The following RANBP2 variants were observed in gnomAD, a reference collection of about 807,000 sequenced individuals.
RANBP2 encodes the protein RAN binding protein 2, also known as E3 SUMO-protein ligase RanBP2.
Under a neutral mutation model 303.6 loss-of-function variants are expected in RANBP2, and 57 were observed. That is an observed-to-expected ratio of 0.19 (90% CI 0.15 to 0.23). The LOEUF (loss-of-function observed/expected upper bound fraction) is 0.23. RANBP2 is among the 10% of genes least tolerant of loss of function. RANBP2 has a pLI of 1.00. For synonymous variants in RANBP2, 1,167 were observed against 1,301.5 expected (o/e 0.90, Z 2.23); for missense variants, 3,138 against 3,780.8 (o/e 0.83, Z 4.46).
At chr2:108,816,895 C>T in the RANBP2 span, among the ~76,000 whole-genome samples, 2 of 152,184 alleles carry the variant, frequency 1.3e-5, no homozygotes, top group South Asian at 2.1e-4. Context: ...TCAGACCTGG[C>T]TTCATTGCAC....
chr2:108,997,840 G>A, the RANBP2 span, among the ~76,000 whole-genome samples: 1 of 152,094 alleles, frequency 6.6e-6, no homozygotes, highest in Non-Finnish European at 1.5e-5. Flanking sequence ...GCAGTGAGCC[G>A]AGATCGCGCC....
chr2:109,044,384 A>G, the RANBP2 span, among the ~76,000 whole-genome samples: 10 of 151,970 alleles, frequency 6.6e-5, no homozygotes, highest in African/African-American at 2.2e-4. Context: ...TTAGCTGGGT[A>G]TGGTGGCGGA....
At chr2:109,580,012 T>C in the RANBP2 span, among the ~76,000 whole-genome samples, 1 of 151,662 alleles carries the variant, frequency 6.6e-6, no homozygotes. Flanking sequence ...TCCCAGCTAC[T>C]CGGGAGGCTG....
chr2:109,160,719 C>G, the RANBP2 span, among the ~76,000 whole-genome samples: 2 of 152,206 alleles, frequency 1.3e-5, no homozygotes, highest in Non-Finnish European at 2.9e-5. Flanking sequence ...CAGCCTGTCC[C>G]TGCTCCTACT....
the RANBP2 span, among the ~76,000 whole-genome samples, chr2:109,205,833 C>G: frequency 6.6e-6 from 1 of 152,220 alleles, no homozygotes; most frequent in Non-Finnish European, 1.5e-5. Context: ...GTGTAAAATA[C>G]TCTTGAGCCT....
At chr2:109,640,846 C>T in the RANBP2 span, among the ~76,000 whole-genome samples, 4 of 152,240 alleles carry the variant, frequency 2.6e-5, no homozygotes, top group African/African-American at 4.8e-5. Context: ...CAGGAAGGAC[C>T]GAATCCTATG....
At chr2:109,314,747 T>G in the RANBP2 span, among the ~76,000 whole-genome samples, 1 of 152,240 alleles carries the variant, frequency 6.6e-6, no homozygotes, top group Admixed American at 6.5e-5. Context: ...AGCCAATTTC[T>G]TATTCTGTAA....
At chr2:109,387,168 G>A in the RANBP2 span, among the ~76,000 whole-genome samples, 91 of 152,148 alleles carry the variant, frequency 6.0e-4, no homozygotes, top group Non-Finnish European at 4.9e-4. Context: ...ATATATTTTG[G>A]ACAAATTTGA....
At chr2:109,763,035 T>C in the RANBP2 span, among the ~76,000 whole-genome samples, 1 of 149,364 alleles carries the variant, frequency 6.7e-6, no homozygotes, top group Non-Finnish European at 1.5e-5. Flanking sequence ...TCAAAATAAC[T>C]AATATTTGAG....
the RANBP2 span, among the ~76,000 whole-genome samples, chr2:108,891,635 G>A: frequency 0.012 from 1,825 of 152,342 alleles, 39 homozygotes; most frequent in Middle Eastern, 0.041. Flanking sequence ...TTGGCAGGCT[G>A]ATTTCTGGGC....
chr2:109,510,021 C>T, the RANBP2 span, among the ~76,000 whole-genome samples: 2 of 152,076 alleles, frequency 1.3e-5, no homozygotes, highest in Non-Finnish European at 2.9e-5. Context: ...AGAGGGTGTC[C>T]GGGTCTTATC....
chr2:109,333,428 A>G, the RANBP2 span, among the ~76,000 whole-genome samples: 33 of 152,352 alleles, frequency 2.2e-4, 1 homozygote, highest in East Asian at 6.4e-3. Flanking sequence ...AAAATAAAAC[A>G]AGCCTAACCT....
chr2:108,956,605 T>C, the RANBP2 span, among the ~76,000 whole-genome samples: 71 of 152,270 alleles, frequency 4.7e-4, no homozygotes, highest in African/African-American at 1.7e-3. Flanking sequence ...GACAGTGAAA[T>C]TTCCCTCATA....
At position 108,783,614 on chromosome 2, in the gene RANBP2, C is replaced by T; in HGVS notation, c.9388C>T (p.His3130Tyr). 6.2e-7 allele frequency: 1 copy of T among 1,611,070 alleles called. No individual in the cohort carries two copies. Among genetic ancestry groups the T allele is most frequent in the Non-Finnish European group, 8.5e-7 (1 of 1,178,254 alleles). ...TTTTCAGGGAGGAGATATCACCAAA[C>T]ATGATGGAACAGGCGGACAGTCCAT... The part of the protein sequence containing the change: ...FVCQGGDITK[H>Y]DGTGGQSIYG... The change falls in exon 29 of 29, where the codon CAT becomes TAT. Residue 3130 changes from histidine (H) to tyrosine (Y), a missense_variant. By Grantham distance (83) the His-to-Tyr change is moderately conservative. Transcript: ENST00000283195.
the RANBP2 span, among the ~76,000 whole-genome samples, chr2:109,151,491 G>A: frequency 1.3e-5 from 2 of 152,198 alleles, no homozygotes; most frequent in African/African-American, 4.8e-5. Flanking sequence ...TGGTAGCCAC[G>A]TCACAAATGG....
chr2:109,161,180 C>T, the RANBP2 span, among the ~76,000 whole-genome samples: 2 of 152,170 alleles, frequency 1.3e-5, no homozygotes, highest in Non-Finnish European at 2.9e-5. Flanking sequence ...CTGGTTCTTT[C>T]GGAACAATAG....
the RANBP2 span, among the ~76,000 whole-genome samples, chr2:109,272,348 A>T: frequency 6.6e-6 from 1 of 152,216 alleles, no homozygotes; most frequent in African/African-American, 2.4e-5. Flanking sequence ...CTTTTGAAGG[A>T]TGGAACCCTG....
the RANBP2 span, among the ~76,000 whole-genome samples, chr2:109,136,288 G>T: frequency 6.6e-6 from 1 of 152,058 alleles, no homozygotes; most frequent in Non-Finnish European, 1.5e-5. Flanking sequence ...AGCACCACTT[G>T]AAGAGGCCAA....
At position 108,751,646 on chromosome 2, in the gene RANBP2, C is replaced by G. The variant is rs1320757928; in HGVS notation, c.1574C>G (p.Thr525Arg). 1 of 1,611,386 alleles carries G rather than the reference C, an allele frequency of 6.2e-7. No homozygotes were observed. Among genetic ancestry groups the G allele is most frequent in the South Asian group, 1.1e-5 (1 of 90,950 alleles). Residue 525 changes from threonine to arginine, a missense_variant, in exon 11 of 29, where the codon ACA becomes AGA. By Grantham distance (71) the Thr-to-Arg change is moderately conservative. Coordinates refer to ENST00000283195, the MANE Select transcript of RANBP2 (RefSeq NM_006267.5). Reference protein sequence around the residue: ...LPLPVCKQLCTERQKSWWDAV... With the variant: ...LPLPVCKQLCRERQKSWWDAV... ...CTTCCTGTGTGTAAACAGCTTTGTA[C>G]AGAAAGACAAAAATCTTGGTGGGAT...
Sources: gnomAD v4.1 joint callset for allele counts (sites outside exome capture counted in the v4.1 genomes callset) on GRCh38, gnomAD v4.1.1 for gene constraint, MANE v1.5 for transcripts, NCBI Gene and HGNC (gene_info 2026-07-23, HGNC 2026-07-21) for gene names.